Variants in RAD1 observed in about 807,000 individuals in gnomAD.
RAD1 encodes cell cycle checkpoint protein RAD1.
RAD1 carries 21 observed loss-of-function variants against 30.0 expected under a neutral mutation model. The observed-to-expected ratio is 0.70, with a 90% CI of 0.50 to 1.01. The LOEUF is 1.01. Among genes scored for constraint, RAD1 ranks in the 50% least tolerant of loss-of-function variants. The probability of loss-of-function intolerance (pLI) is 0.00; values close to 1 mark genes in which losing one functional copy is unlikely to be tolerated. For synonymous variants in RAD1, 109 were observed against 113.6 expected, an observed-to-expected ratio of 0.96 and a Z score of 0.26; for missense variants, 329 against 329.0, an observed-to-expected ratio of 1.00 and a Z score of 0.00.
chr5:34,911,435 T>C lies in RAD1; in HGVS notation c.566+119A>G, dbSNP rs373145501. 1.1e-4 allele frequency: 135 copies of C among 1,244,258 alleles called. No individual in the cohort carries two copies. In the African/African-American group the frequency reaches 1.9e-3, roughly 17 times the overall value. 77.1% of individuals were successfully genotyped at this position (1,244,258 alleles called of 1,614,324 possible). ...AATTATGAGGTAAGAGTACAAGCTG[T>C]CTAAAGTTGTGAAAACTCTAAAAAT... On this transcript the variant is annotated intron_variant, in intron 4 of 5. Coordinates refer to ENST00000382038, the MANE Select transcript of RAD1 (RefSeq NM_002853.4).
chr5:34,905,454 T>C lies in RAD1; in HGVS notation c.*3311A>G, dbSNP rs915686654. On this transcript the variant is annotated 3_prime_UTR_variant, in exon 6 of 6. Coordinates refer to ENST00000382038, the MANE Select transcript of RAD1 (RefSeq NM_002853.4). ...GGTAACACCACAGAAACCCTGTGGC[T>C]TCCTGTTAAAATGACTGTGTTACAT... 6.6e-6 allele frequency: 1 copy of C among 152,180 alleles called. No homozygotes were observed. The highest frequency in any genetic ancestry group is 1.5e-5 in the Non-Finnish European group (1 of 68,042). 9.4% of individuals were successfully genotyped at this position (152,180 alleles called of 1,614,324 possible).
At chr5:34,913,426 A>G in intron 3 of RAD1, 44 bp downstream of exon 3, 1 of 1,153,268 alleles carries the variant, frequency 8.7e-7, no homozygotes, top group Non-Finnish European at 1.2e-6. Flanking sequence ...TTTTCTGACC[A>G]CTATGTATAA....
intron 4 of RAD1, among the ~76,000 whole-genome samples, chr5:34,909,819 T>A (rs146766513): frequency 3.2e-4 from 49 of 152,322 alleles, no homozygotes; most frequent in African/African-American, 1.1e-3. Flanking sequence ...CCAGAAGTTA[T>A]TTGTAGACAA....
intron 4 of RAD1, 59 bp downstream of exon 4, chr5:34,911,495 T>C (rs1325602453): frequency 6.4e-7 from 1 of 1,561,964 alleles, no homozygotes; most frequent in Non-Finnish European, 8.7e-7. Context: ...TAAGCAAATG[T>C]CTAAGTGGGA....
At position 34,913,589 on chromosome 5, in the gene RAD1, A is replaced by G. The variant is rs761708983; in HGVS notation, c.199-11T>C. ...CTGAAATATTCCAGCCTATGAAAAG[A>G]GTAAAAATGAAAATTGTTACATAAA... On this transcript the variant is annotated splice_polypyrimidine_tract_variant and intron_variant, in intron 2 of 5. Transcript: ENST00000382038. 6.7e-7 allele frequency: 1 copy of G among 1,503,606 alleles called. No homozygotes were observed. The highest frequency in any genetic ancestry group is 9.1e-7 in the Non-Finnish European group (1 of 1,101,650). 93.1% of individuals were successfully genotyped at this position (1,503,606 alleles called of 1,614,324 possible).
At position 34,907,294 on chromosome 5, in the gene RAD1, G is replaced by A. The variant is rs1286260416; in HGVS notation, c.*1471C>T. The A allele has an allele frequency of 6.6e-6, 1 of 152,200 alleles. No individual in the cohort carries two copies. The highest frequency in any genetic ancestry group is 1.5e-5 in the Non-Finnish European group (1 of 68,052). The allele number at this position is 152,200 out of a possible 1,614,324, so 9.4% of individuals were successfully genotyped here. A position where few individuals can be genotyped will look rare whatever the true frequency, so the allele number is the denominator to read the frequency against. On this transcript the variant is annotated 3_prime_UTR_variant, in exon 6 of 6. Transcript: ENST00000382038. The stretch of plus-strand genomic sequence containing the variant: ...TAGTTTGGCACACTTTTATTTGGGG[G>A]AGGTGGGGTGGTCACAATGACTAGC...
At position 34,908,911 on chromosome 5, in the gene RAD1, A is replaced by G; in HGVS notation, c.703T>C (p.Leu235=). The G allele has an allele frequency of 1.2e-6, 2 of 1,610,548 alleles. No individual in the cohort carries two copies. The highest frequency in any genetic ancestry group is 2.2e-5 in the South Asian group (2 of 90,422). Residue 235 remains leucine (L), a synonymous_variant, in exon 6 of 6, where the codon TTA becomes CTA. Coordinates refer to ENST00000382038, the MANE Select transcript of RAD1 (RefSeq NM_002853.4). ...ISLLKPSTKA[L]VLSCKVSIRT... is the part of the protein sequence containing the mutation. Reference sequence around the variant, plus strand: ...ATAGATACCTTACAAGATAGGACTAATGCCTTTGTAGAGGGTTTCAGTAAG... The same window carrying G: ...ATAGATACCTTACAAGATAGGACTAGTGCCTTTGTAGAGGGTTTCAGTAAG...
At position 34,913,468 on chromosome 5, in the gene RAD1, A is replaced by G; in HGVS notation, c.307+2T>C. On this transcript the variant is annotated splice_donor_variant, in intron 3 of 5. Transcript: ENST00000382038. LOFTEE classifies it high-confidence loss of function. The stretch of plus-strand genomic sequence containing the variant: ...TATGTCTTTATACTGATCATAGTTT[A>G]CCTGGCATAGGACTTGATCCAAAAA... 6 of 1,523,290 alleles carry G rather than the reference A, an allele frequency of 3.9e-6. No homozygotes were observed. The highest frequency in any genetic ancestry group is 5.4e-6 in the Non-Finnish European group (6 of 1,114,376). The allele number at this position is 1,523,290 out of a possible 1,614,324, so 94.4% of individuals were successfully genotyped here. A position where few individuals can be genotyped will look rare whatever the true frequency, so the allele number is the denominator to read the frequency against.
rs762520471 is a variant in RAD1 at position 34,911,653 on chromosome 5, A to G, written c.467T>C (p.Ile156Thr). 4.3e-6 allele frequency: 7 copies of G among 1,614,136 alleles called. No individual in the cohort carries two copies. In the East Asian group the frequency reaches 1.6e-4, roughly 36 times the overall value. ...ACGGAGCCCCTCTGACTGCAGAATA[A>G]TTTTATTAATAACATTGGTGCTGCA... ...DFCSTNVINK[I>T]ILQSEGLREA... The change falls in exon 4 of 6, where the codon ATT becomes ACT. Residue 156 changes from isoleucine to threonine, a missense_variant. Physicochemically the swap from Ile to Thr is moderately conservative, Grantham distance 89. Coordinates refer to ENST00000382038, the MANE Select transcript of RAD1 (RefSeq NM_002853.4).
rs1763991138 is a variant in RAD1, at chr5:34,914,863, G to C, written c.30C>G (p.Asp10Glu). The change falls in exon 2 of 6, where the codon GAC (aspartate) becomes GAG (glutamate). Residue 10 changes from aspartate (D) to glutamate (E), a missense_variant. Asp to Glu is a conservative substitution (Grantham distance 45). Transcript: ENST00000382038. ...CCACAAGGCTGTACTGATCATCCTC[G>C]TCTTGGATCTGTTGGGTCAGAAGGG... MPLLTQQIQ[D>E]EDDQYSLVAS... The C allele has an allele frequency of 6.2e-7, 1 of 1,614,070 alleles. No individual in the cohort carries two copies. The highest frequency in any genetic ancestry group is 1.1e-5 in the South Asian group (1 of 91,078).
intron 3 of RAD1, 78 bp downstream of exon 3, chr5:34,913,392 T>C: frequency 2.6e-6 from 2 of 781,004 alleles, no homozygotes; most frequent in South Asian, 3.2e-5. Context: ...AACCAATGTT[T>C]ATGTTCCAAA....
Sources: gnomAD v4.1 joint callset for allele counts (sites outside exome capture counted in the v4.1 genomes callset) on GRCh38, gnomAD v4.1.1 for gene constraint, MANE v1.5 for transcripts, NCBI Gene and HGNC (gene_info 2026-07-23, HGNC 2026-07-21) for gene names.